SPATA22: variants seen among roughly 807,000 people sequenced by gnomAD.
The protein encoded by SPATA22 is spermatogenesis associated 22.
SPATA22 carries 29 observed loss-of-function variants against 47.8 expected under a neutral mutation model. The ratio of observed to expected loss-of-function variants is 0.61; its 90% confidence interval spans 0.45 to 0.83. The LOEUF (loss-of-function observed/expected upper bound fraction) is 0.83. SPATA22 is among the 40% of genes least tolerant of loss of function. The probability of loss-of-function intolerance (pLI) is 0.00; values close to 1 mark genes in which losing one functional copy is unlikely to be tolerated. For missense variants in SPATA22, 410 were observed against 421.7 expected (o/e 0.97, Z 0.24); for synonymous variants, 133 against 140.9 (o/e 0.94, Z 0.40).
chr17:3,443,068 A>G, intron 8 of SPATA22, 106 bp downstream of exon 8: 1 of 781,920 alleles, frequency 1.3e-6, no homozygotes, highest in Non-Finnish European at 2.0e-6. Context: ...AACCAGTGTT[A>G]AAAGTACTAA....
At chr17:3,464,044 T>A (rs2073206039) in intron 3 of SPATA22, among the ~76,000 whole-genome samples, 1 of 150,496 alleles carries the variant, frequency 6.6e-6, no homozygotes, top group South Asian at 2.1e-4. Context: ...GAAGCTGGAC[T>A]GTACTGCTGC....
intron 1 of SPATA22, among the ~76,000 whole-genome samples, chr17:3,482,334 GTCTAA>G (rs1162078227): frequency 6.6e-6 from 1 of 152,118 alleles, no homozygotes; most frequent in Non-Finnish European, 1.5e-5. Context: ...CCCAGAATAC[GTCTAA>G]TCTTTCAGTA....
In SPATA22 at chr17:3,513,710, A is replaced by G. The variant is rs1006630449; in HGVS notation, c.-372T>C. 31 of 485,156 alleles carry G rather than the reference A, an allele frequency of 6.4e-5. 1 individual carries two copies. The Middle Eastern group carries it at 2.2e-3, about 34-fold the overall frequency. The allele number at this position is 485,156 out of a possible 1,614,324, so 30.1% of individuals were successfully genotyped here. ...GGTTTACACCAGCTGTTTGCCAAGT[A>G]ACAAAATCCAGGATGTTTCCCACTC... On this transcript the variant is annotated 5_prime_UTR_variant, in exon 1 of 9. Coordinates refer to the SPATA22 transcript ENST00000541913.
At chr17:3,457,141 G>A (rs1215209911) in intron 5 of SPATA22, among the ~76,000 whole-genome samples, 1 of 152,128 alleles carries the variant, frequency 6.6e-6, no homozygotes, top group Non-Finnish European at 1.5e-5. Context: ...ATGGGCACAA[G>A]ACAGGGATGC....
intron 6 of SPATA22, 85 bp downstream of exon 6, chr17:3,448,722 C>G (rs558265111): frequency 3.2e-5 from 30 of 946,304 alleles, no homozygotes; most frequent in South Asian, 5.6e-5. Context: ...TTATTTCAGG[C>G]GCTCTTATCT....
chr17:3,489,573 G>GAAAC (rs1400428044), intron 1 of SPATA22, among the ~76,000 whole-genome samples: 1 of 152,042 alleles, frequency 6.6e-6, no homozygotes, highest in African/African-American at 2.4e-5. Flanking sequence ...AAAAAGAAAA[G>GAAAC]ACGAGAAAAT....
chr17:3,478,914 C>T (rs1345195430), intron 1 of SPATA22, among the ~76,000 whole-genome samples: 1 of 152,180 alleles, frequency 6.6e-6, no homozygotes, highest in Admixed American at 6.5e-5. Context: ...TTATTCCTTG[C>T]AAGTACTTCA....
intron 1 of SPATA22, chr17:3,494,273 G>A: frequency 2.6e-6 from 3 of 1,133,068 alleles, no homozygotes; most frequent in Non-Finnish European, 4.0e-6. Context: ...CAAAGTGCTG[G>A]GATGACAGGC....
intron 7 of SPATA22, 76 bp downstream of exon 7, chr17:3,446,396 G>GA (rs560758690): frequency 1.7e-4 from 238 of 1,433,488 alleles, no homozygotes; most frequent in Non-Finnish European, 2.1e-4. Flanking sequence ...TTATTTGGAA[G>GA]AAAAAGGACT....
chr17:3,468,211 C>G (rs1484292967), intron 2 of SPATA22: 1 of 152,156 alleles, frequency 6.6e-6, no homozygotes, highest in Non-Finnish European at 1.5e-5. Flanking sequence ...ACTACCGATT[C>G]CTCCAGATGG....
At chr17:3,464,215 C>T (rs532275041) in intron 3 of SPATA22, among the ~76,000 whole-genome samples, 1 of 152,126 alleles carries the variant, frequency 6.6e-6, no homozygotes, top group Non-Finnish European at 1.5e-5. Context: ...CTCCTAACCG[C>T]GAGTGATCCG....
chr17:3,442,915 A>C (rs998915765), intron 8 of SPATA22, among the ~76,000 whole-genome samples: 2 of 151,938 alleles, frequency 1.3e-5, no homozygotes, highest in Non-Finnish European at 2.9e-5. Context: ...TTTCTGTACC[A>C]TTCTACCTGG....
intron 5 of SPATA22, among the ~76,000 whole-genome samples, chr17:3,454,440 C>A (rs1255404066): frequency 6.6e-6 from 1 of 151,946 alleles, no homozygotes; most frequent in Non-Finnish European, 1.5e-5. Flanking sequence ...CTAATGCTAT[C>A]CCTCCCCCAT....
In SPATA22 at chr17:3,462,716, A is replaced by C. The variant is rs780874284; in HGVS notation, c.224T>G (p.Val75Gly). The C allele has an allele frequency of 6.2e-7, 1 of 1,612,944 alleles. No individual in the cohort carries two copies. ...NPELAPVMKT[V>G]DTGQIPHSVS... ...ATATTTCTCCACATACCCGGTGTCCACTGTTTTCATTACAGGAGCCAACTC... is the reference window on the plus strand; with the variant it reads ...ATATTTCTCCACATACCCGGTGTCCCCTGTTTTCATTACAGGAGCCAACTC... The change falls in exon 4 of 9, where the codon GTG becomes GGG. Residue 75 changes from valine to glycine, a missense_variant. By Grantham distance (109) the Val-to-Gly change is moderately radical. Transcript: ENST00000572969.
intron 1 of SPATA22, among the ~76,000 whole-genome samples, chr17:3,487,062 G>GTT (rs1169126097): frequency 7.0e-6 from 1 of 142,440 alleles, no homozygotes; most frequent in African/African-American, 2.7e-5. Context: ...GTGTGTTTAT[G>GTT]TGTGTGTGTG....
At chr17:3,469,248 T>A in intron 2 of SPATA22, 35 bp downstream of exon 2, 1 of 975,262 alleles carries the variant, frequency 1.0e-6, no homozygotes, top group Non-Finnish European at 1.6e-6. Context: ...TTATATGCTA[T>A]ACAGAAAATT....
intron 5 of SPATA22, among the ~76,000 whole-genome samples, chr17:3,451,310 A>G (rs375750233): frequency 1.3e-5 from 2 of 152,336 alleles, no homozygotes; most frequent in African/African-American, 2.4e-5. Context: ...TAAATATATA[A>G]AGCAAATATT....
intron 1 of SPATA22, among the ~76,000 whole-genome samples, chr17:3,470,839 A>G (rs2073416082): frequency 6.6e-6 from 1 of 151,834 alleles, no homozygotes; most frequent in South Asian, 2.1e-4. Context: ...GAAGCTGGGT[A>G]GAAGAGATGG....
chr17:3,443,698 C>T (rs937118784), intron 7 of SPATA22, among the ~76,000 whole-genome samples: 2 of 151,948 alleles, frequency 1.3e-5, no homozygotes, highest in African/African-American at 2.4e-5. Flanking sequence ...GGTACTTCAA[C>T]TTACTAATAT....
Sources: gnomAD v4.1 joint callset for allele counts (sites outside exome capture counted in the v4.1 genomes callset) on GRCh38, gnomAD v4.1.1 for gene constraint, MANE v1.5 for transcripts, NCBI Gene and HGNC (gene_info 2026-07-23, HGNC 2026-07-21) for gene names.